Variants in PRIMA1 observed in about 807,000 individuals in gnomAD.
The protein encoded by PRIMA1 is proline rich membrane anchor 1.
A neutral mutation model predicts 17.5 loss-of-function variants in PRIMA1; 7 were observed. The ratio of observed to expected loss-of-function variants is 0.40; its 90% CI spans 0.23 to 0.75. The LOEUF is 0.75. PRIMA1 is among the 30% of genes least tolerant of loss of function. The probability of loss-of-function intolerance (pLI) is 0.37; values close to 1 mark genes in which losing one functional copy is unlikely to be tolerated. For synonymous variants in PRIMA1, 97 were observed against 77.9 expected, an observed-to-expected ratio of 1.25 and a Z score of -1.29; for missense variants, 200 against 201.8, an observed-to-expected ratio of 0.99 and a Z score of 0.05.
intron 2 of PRIMA1, among the ~76,000 whole-genome samples, chr14:93,781,721 T>C (rs1288910291): frequency 6.6e-6 from 1 of 152,164 alleles, no homozygotes; most frequent in African/African-American, 2.4e-5. Flanking sequence ...TCGCCTGTAA[T>C]CCCAGCACTT....
chr14:93,758,916 C>T (rs1265698431), intron 3 of PRIMA1, among the ~76,000 whole-genome samples: 3 of 152,056 alleles, frequency 2.0e-5, no homozygotes, highest in Non-Finnish European at 1.5e-5. Context: ...GCTACCTGCC[C>T]GCTCTCTGTG....
At chr14:93,739,659 T>G (rs940390713) in intron 3 of PRIMA1, among the ~76,000 whole-genome samples, 132 of 152,236 alleles carry the variant, frequency 8.7e-4, no homozygotes, top group African/African-American at 2.9e-3. Context: ...TTGTTGCAGC[T>G]GGATTAGGAG....
At chr14:93,721,620 G>A in intron 4 of PRIMA1, 74 bp from the exon 5 acceptor site, 1 of 887,230 alleles carries the variant, frequency 1.1e-6, no homozygotes, top group Non-Finnish European at 1.8e-6. Context: ...CACTGATGGT[G>A]GGGTGTAACC....
chr14:93,787,817 T>C, intron 1 of PRIMA1, 68 bp from the exon 2 acceptor site: 7 of 1,480,654 alleles, frequency 4.7e-6, no homozygotes, highest in Non-Finnish European at 6.3e-6. Context: ...CGCACCAATA[T>C]ACCTCCCAGC....
chr14:93,763,976 CTCCGTGTGTCACA>C (rs2141181986), intron 3 of PRIMA1, among the ~76,000 whole-genome samples: 1 of 152,262 alleles, frequency 6.6e-6, no homozygotes, highest in African/African-American at 2.4e-5. Flanking sequence ...GACTCGGGAT[CTCCGTGTGTCACA>C]TTCTTCCTCC....
chr14:93,777,519 G>A (rs1215264544), intron 3 of PRIMA1, among the ~76,000 whole-genome samples: 1 of 152,086 alleles, frequency 6.6e-6, no homozygotes, highest in African/African-American at 2.4e-5. Context: ...TATATTTTTA[G>A]TAGAGACGGG....
At chr14:93,733,609 G>A (rs1000798896) in intron 4 of PRIMA1, among the ~76,000 whole-genome samples, 4 of 152,070 alleles carry the variant, frequency 2.6e-5, no homozygotes, top group Admixed American at 6.5e-5. Flanking sequence ...GAAAGGCTGT[G>A]TTGGGGCCAT....
At chr14:93,782,295 C>T (rs1056895524) in intron 2 of PRIMA1, among the ~76,000 whole-genome samples, 1 of 151,462 alleles carries the variant, frequency 6.6e-6, no homozygotes, top group Non-Finnish European at 1.5e-5. Context: ...TAAATAAATA[C>T]ATACATACAT....
At chr14:93,735,958 G>A (rs564191202) in intron 4 of PRIMA1, among the ~76,000 whole-genome samples, 3 of 152,152 alleles carry the variant, frequency 2.0e-5, no homozygotes, top group African/African-American at 7.2e-5. Flanking sequence ...CAAAATGCCG[G>A]GATTACAGGC....
intron 3 of PRIMA1, among the ~76,000 whole-genome samples, chr14:93,742,104 CAG>C (rs1469965970): frequency 6.6e-5 from 10 of 152,202 alleles, no homozygotes; most frequent in East Asian, 5.8e-4. Flanking sequence ...GATGGAGTAA[CAG>C]GGGCCAGATC....
chr14:93,741,889 G>A (rs1367481916), intron 3 of PRIMA1, among the ~76,000 whole-genome samples: 2 of 152,050 alleles, frequency 1.3e-5, no homozygotes, highest in African/African-American at 2.4e-5. Context: ...CTCAGGGGTC[G>A]CAACACCTTG....
In PRIMA1 at chr14:93,735,441, T is replaced by C. The variant is rs184265882; in HGVS notation, c.359+1800A>G. On this transcript the variant is annotated intron_variant, in intron 4 of 4. Transcript: ENST00000393140. ...TCCGCTGCTTAAAACCCTCCTCCCA[T>C]TCCAGCAGGCCCTCAGCTCAAATGC... is the stretch of plus-strand genomic sequence containing the variant. 7.9e-5 allele frequency among the ~76,000 whole-genome samples: 12 copies of C among 152,204 alleles called. No homozygotes were observed. In the East Asian group the frequency reaches 2.1e-3, roughly 27 times the overall value.
At chr14:93,788,602 C>G (rs928654214), upstream of PRIMA1, 1 of 152,208 alleles carries the variant, frequency 6.6e-6, no homozygotes, top group African/African-American at 2.4e-5. Context: ...CTTCACATGC[C>G]GGGGAGGAGC....
At chr14:93,740,811 T>C (rs1476164064) in intron 3 of PRIMA1, among the ~76,000 whole-genome samples, 1 of 152,232 alleles carries the variant, frequency 6.6e-6, no homozygotes, top group Non-Finnish European at 1.5e-5. Context: ...CAAGGCAGAA[T>C]TGTCCCTTGA....
chr14:93,769,669 T>C (rs1885000674), intron 3 of PRIMA1, among the ~76,000 whole-genome samples: 1 of 152,210 alleles, frequency 6.6e-6, no homozygotes, highest in Admixed American at 6.5e-5. Context: ...CTTCACTTGC[T>C]GTGCCTGTCG....
chr14:93,744,331 C>T (rs1595200584), intron 3 of PRIMA1, among the ~76,000 whole-genome samples: 1 of 152,324 alleles, frequency 6.6e-6, no homozygotes. Flanking sequence ...CACACCGGGT[C>T]CCATTGTCTC....
intron 3 of PRIMA1, among the ~76,000 whole-genome samples, chr14:93,761,299 G>A (rs61980275): frequency 0.077 from 11,649 of 152,168 alleles, 656 homozygotes; most frequent in Admixed American, 0.19. Context: ...TGCAGCGAGC[G>A]GAGATTGTGC....
At chr14:93,729,770 T>G (rs11160136) in intron 4 of PRIMA1, among the ~76,000 whole-genome samples, 100,580 of 152,018 alleles carry the variant, frequency 0.66, 33,501 homozygotes, top group South Asian at 0.8. Flanking sequence ...TGCATTCACA[T>G]CCTGGGAGTG....
intron 3 of PRIMA1, among the ~76,000 whole-genome samples, chr14:93,748,665 A>G (rs967674909): frequency 6.6e-6 from 1 of 152,102 alleles, no homozygotes; most frequent in Non-Finnish European, 1.5e-5. Flanking sequence ...CCTTATCTGT[A>G]GCCTGTGCTC....
Sources: gnomAD v4.1 joint callset for allele counts (sites outside exome capture counted in the v4.1 genomes callset) on GRCh38, gnomAD v4.1.1 for gene constraint, MANE v1.5 for transcripts, NCBI Gene and HGNC (gene_info 2026-07-23, HGNC 2026-07-21) for gene names.